Variants in GLB1L3 observed in about 807,000 individuals in gnomAD.
GLB1L3 encodes beta-galactosidase-1-like protein 3.
In GLB1L3, 89 loss-of-function variants were observed where a neutral mutation model predicts 89.5. The observed-to-expected ratio is 0.99, with a 90% CI of 0.84 to 1.19. The LOEUF (loss-of-function observed/expected upper bound fraction) is 1.19. GLB1L3 is among the 50% of genes most tolerant of loss of function. The pLI is 0.00. For missense variants in GLB1L3, 812 were observed against 813.3 expected, an observed-to-expected ratio of 1.00 and a Z score of 0.02; for synonymous variants, 314 against 312.3, an observed-to-expected ratio of 1.01 and a Z score of -0.06.
At chr11:134,285,631 C>T (rs1343456907) in intron 6 of GLB1L3, among the ~76,000 whole-genome samples, 1 of 151,958 alleles carries the variant, frequency 6.6e-6, no homozygotes, top group East Asian at 1.9e-4. Flanking sequence ...ACAAAAAATA[C>T]AAAAATTCGA....
At chr11:134,281,974 G>A (rs1203602145) in intron 4 of GLB1L3, 51 bp from the exon 5 acceptor site, 91 of 1,398,008 alleles carry the variant, frequency 6.5e-5, no homozygotes, top group East Asian at 1.2e-4. Context: ...GCCCCCACCC[G>A]GCCTCATCCT....
intron 14 of GLB1L3, 101 bp downstream of exon 14, chr11:134,312,590 C>A: frequency 7.1e-7 from 1 of 1,416,148 alleles, no homozygotes; most frequent in Non-Finnish European, 9.6e-7. Flanking sequence ...TGTTTGGTGA[C>A]CTACTATATG....
intron 9 of GLB1L3, among the ~76,000 whole-genome samples, chr11:134,303,369 C>T (rs1041186894): frequency 2.0e-5 from 3 of 152,172 alleles, no homozygotes; most frequent in Non-Finnish European, 4.4e-5. Flanking sequence ...TGAAGTTGAA[C>T]CTGCCATCTG....
At chr11:134,301,676 A>G (rs1373842726) in intron 9 of GLB1L3, among the ~76,000 whole-genome samples, 10 of 151,728 alleles carry the variant, frequency 6.6e-5, no homozygotes. Flanking sequence ...TTGCTGTTCT[A>G]ATTTCTTGAG....
intron 3 of GLB1L3, 110 bp downstream of exon 3, chr11:134,278,022 C>G (rs1940476269): frequency 1.1e-6 from 1 of 933,324 alleles, no homozygotes; most frequent in Admixed American, 2.4e-5. Flanking sequence ...ACCTTCCGCA[C>G]AGTCGTTTCC....
At chr11:134,285,402 C>T (rs1162832056) in intron 6 of GLB1L3, among the ~76,000 whole-genome samples, 1 of 152,128 alleles carries the variant, frequency 6.6e-6, no homozygotes, top group African/African-American at 2.4e-5. Flanking sequence ...ATTTAAACAA[C>T]ATAACTCTTC....
chr11:134,282,982 C>T (rs368881129), intron 5 of GLB1L3, among the ~76,000 whole-genome samples: 9 of 152,168 alleles, frequency 5.9e-5, no homozygotes, highest in African/African-American at 1.2e-4. Flanking sequence ...ATCATTGGCA[C>T]GTAGGCTCCT....
intron 10 of GLB1L3, among the ~76,000 whole-genome samples, chr11:134,308,186 AT>A (rs1942308269): frequency 8.5e-6 from 1 of 118,042 alleles, no homozygotes; most frequent in African/African-American, 4.0e-5. Context: ...CACCATCACC[AT>A]CATCACCATC....
At chr11:134,320,234 A>G (rs1046016750), downstream of GLB1L3, among the ~76,000 whole-genome samples, 6 of 152,132 alleles carry the variant, frequency 3.9e-5, no homozygotes, top group African/African-American at 1.4e-4. Flanking sequence ...AGGGAAGAGA[A>G]CCCTCTGTTT....
At chr11:134,323,458 C>T (rs1943190590), downstream of GLB1L3, among the ~76,000 whole-genome samples, 2 of 151,878 alleles carry the variant, frequency 1.3e-5, no homozygotes, top group African/African-American at 4.8e-5. Flanking sequence ...GCATGTAATC[C>T]CAGCTACTTG....
chr11:134,306,026 C>G (rs935273837), intron 9 of GLB1L3, among the ~76,000 whole-genome samples: 1 of 152,040 alleles, frequency 6.6e-6, no homozygotes, highest in South Asian at 2.1e-4. Flanking sequence ...GGACAAAGAG[C>G]ATGGAGGAAA....
At chr11:134,318,221 T>G (rs1175355130) in intron 18 of GLB1L3, among the ~76,000 whole-genome samples, 1 of 152,192 alleles carries the variant, frequency 6.6e-6, no homozygotes, top group East Asian at 1.9e-4. Flanking sequence ...TCTCCTTGTC[T>G]CTCCATTTTC....
At chr11:134,287,082 AC>A (rs979622065) in intron 6 of GLB1L3, 1 of 151,456 alleles carries the variant, frequency 6.6e-6, no homozygotes, top group Non-Finnish European at 1.5e-5. Flanking sequence ...AATGACGTGA[AC>A]CCGGGAGGCG....
chr11:134,298,838 A>G (rs1941790780), intron 9 of GLB1L3, among the ~76,000 whole-genome samples: 1 of 152,140 alleles, frequency 6.6e-6, no homozygotes, highest in African/African-American at 2.4e-5. Flanking sequence ...TCCTAGTGAG[A>G]TTCATCCCAG....
intron 9 of GLB1L3, among the ~76,000 whole-genome samples, chr11:134,304,069 G>T (rs559365649): frequency 2.0e-5 from 3 of 151,832 alleles, no homozygotes; most frequent in South Asian, 2.1e-4. Context: ...CCAGTTTGTC[G>T]GGCTTCTAGA....
At chr11:134,295,358 T>C (rs1423172743) in intron 9 of GLB1L3, among the ~76,000 whole-genome samples, 1 of 152,208 alleles carries the variant, frequency 6.6e-6, no homozygotes, top group Non-Finnish European at 1.5e-5. Context: ...AAGGATTTAT[T>C]CTACTCATTT....
At chr11:134,309,935 C>CA in intron 11 of GLB1L3, 172 bp downstream of exon 11, 1 of 711,052 alleles carries the variant, frequency 1.4e-6, no homozygotes, top group Non-Finnish European at 2.3e-6. Flanking sequence ...AATGCCCCAA[C>CA]AGGCTGTCAT....
At chr11:134,282,242 GC>G in intron 5 of GLB1L3, 122 bp downstream of exon 5, 1 of 1,209,702 alleles carries the variant, frequency 8.3e-7, no homozygotes, top group Non-Finnish European at 1.1e-6. Context: ...GAGGTGTGCT[GC>G]CCCACGCCAC....
intron 9 of GLB1L3, among the ~76,000 whole-genome samples, chr11:134,305,530 A>G (rs535233116): frequency 6.6e-6 from 1 of 152,218 alleles, no homozygotes; most frequent in African/African-American, 2.4e-5. Flanking sequence ...TTGATTTGGA[A>G]GATTTCCAGG....
Sources: allele counts gnomAD v4.1 joint callset (sites outside exome capture counted in the v4.1 genomes callset), GRCh38; gene constraint gnomAD v4.1.1; transcripts MANE v1.5; gene names NCBI Gene and HGNC (gene_info 2026-07-23, HGNC 2026-07-21).